Variants in DLG2 observed in about 807,000 individuals in gnomAD.
DLG2 encodes the protein disks large homolog 2.
A neutral mutation model predicts 132.5 loss-of-function variants in DLG2; 45 were observed. The observed-to-expected ratio is 0.34, with a 90% confidence interval of 0.27 to 0.44. DLG2 has a LOEUF of 0.44. Ranked by LOEUF, DLG2 falls within the 20% of genes least tolerant of loss-of-function variation. The pLI, the probability that DLG2 is intolerant of heterozygous loss-of-function variation, is 1.00. For synonymous variants in DLG2, 424 were observed against 419.6 expected (o/e 1.01, Z -0.13); for missense variants, 1,045 against 1,196.9 (o/e 0.87, Z 1.87).
At chr11:83,667,975 C>CAAAA (rs10688898) in intron 18 of DLG2, among the ~76,000 whole-genome samples, 7,478 of 39,604 alleles carry the variant, frequency 0.19, 1,603 homozygotes, top group Non-Finnish European at 0.22. Flanking sequence ...GACTCCGTCT[C>CAAAA]AAAAAAAAAA....
At chr11:84,703,494 A>G (rs945469168) in intron 6 of DLG2, among the ~76,000 whole-genome samples, 10 of 151,474 alleles carry the variant, frequency 6.6e-5, no homozygotes, top group African/African-American at 2.4e-4. Flanking sequence ...TTTACCATTC[A>G]TGTTTGCAAG....
At chr11:83,487,528 A>C (rs975472878) in intron 21 of DLG2, among the ~76,000 whole-genome samples, 18 of 152,156 alleles carry the variant, frequency 1.2e-4, no homozygotes, top group African/African-American at 3.9e-4. Context: ...TGAATTTGCA[A>C]ATATTCCTGG....
At chr11:84,721,246 A>G (rs1448946546) in intron 6 of DLG2, among the ~76,000 whole-genome samples, 9 of 152,198 alleles carry the variant, frequency 5.9e-5, no homozygotes, top group Non-Finnish European at 1.3e-4. Context: ...AATCTGGGGT[A>G]GAAAACAGGC....
At chr11:84,075,965 G>A (rs952154078) in intron 10 of DLG2, among the ~76,000 whole-genome samples, 1 of 152,132 alleles carries the variant, frequency 6.6e-6, no homozygotes, top group African/African-American at 2.4e-5. Flanking sequence ...TCTCATTTGT[G>A]GAGGCAAAAC....
rs555279433 is a variant in DLG2 at position 85,123,020 on chromosome 11, C to G, written c.283-11285G>C. ...TGAGACAGAGTCTCGCTCTGTCGCCCAAGCTGGAGTGCCATGGTGCGATCT... is the reference window on the plus strand; with the variant it reads ...TGAGACAGAGTCTCGCTCTGTCGCCGAAGCTGGAGTGCCATGGTGCGATCT... On this transcript the variant is annotated intron_variant, in intron 5 of 27. Coordinates refer to ENST00000376104, the MANE Select transcript of DLG2 (RefSeq NM_001142699.3). Among the ~76,000 whole-genome samples the G allele has an allele frequency of 4.7e-5, 5 of 106,552 alleles. No homozygotes were observed. In the East Asian group the frequency reaches 1.0e-3, roughly 22 times the overall value. 69.9% of individuals were successfully genotyped at this position (106,552 alleles called of 152,430 possible). A position where few individuals can be genotyped will look rare whatever the true frequency, so the allele number is the denominator to read the frequency against.
At chr11:84,866,671 G>A (rs2084620935) in intron 6 of DLG2, among the ~76,000 whole-genome samples, 1 of 152,200 alleles carries the variant, frequency 6.6e-6, no homozygotes, top group South Asian at 2.1e-4. Context: ...TAGTTATGAA[G>A]AAATAGAAGG....
intron 18 of DLG2, among the ~76,000 whole-genome samples, chr11:83,786,130 G>A (rs2095047857): frequency 6.6e-6 from 1 of 152,102 alleles, no homozygotes; most frequent in African/African-American, 2.4e-5. Flanking sequence ...ATCCAATTTA[G>A]GATATCTCAT....
chr11:84,776,436 A>G (rs2070508443), intron 6 of DLG2, among the ~76,000 whole-genome samples: 1 of 152,152 alleles, frequency 6.6e-6, no homozygotes, highest in Admixed American at 6.6e-5. Flanking sequence ...GATTACAGGC[A>G]TAAGCCACTT....
intron 22 of DLG2, among the ~76,000 whole-genome samples, chr11:83,480,208 C>CT (rs1490948009): frequency 1.3e-5 from 2 of 152,018 alleles, no homozygotes; most frequent in African/African-American, 4.8e-5. Context: ...GCTCTAGTGT[C>CT]TTTTTTATCT....
chr11:85,360,089 C>A (rs1369294272), intron 3 of DLG2, among the ~76,000 whole-genome samples: 2 of 152,174 alleles, frequency 1.3e-5, no homozygotes, highest in African/African-American at 2.4e-5. Flanking sequence ...GATCCCTGTG[C>A]TGTGTGAAGG....
At chr11:84,404,834 T>C (rs1003540833) in intron 7 of DLG2, among the ~76,000 whole-genome samples, 1 of 152,196 alleles carries the variant, frequency 6.6e-6, no homozygotes, top group African/African-American at 2.4e-5. Flanking sequence ...ACTTTTCATA[T>C]AATTTCCAAA....
intron 3 of DLG2, among the ~76,000 whole-genome samples, chr11:85,300,644 T>G (rs1224117812): frequency 6.6e-6 from 1 of 152,212 alleles, no homozygotes; most frequent in African/African-American, 2.4e-5. Flanking sequence ...AGCAAAATTT[T>G]CTTTCTGGAT....
At chr11:85,452,897 C>A in intron 3 of DLG2, 1 of 205,878 alleles carries the variant, frequency 4.9e-6, no homozygotes, top group South Asian at 1.0e-4. Context: ...ATTATACTTT[C>A]TTGAAGGCAA....
At chr11:85,482,646 C>T (rs919934185) in intron 3 of DLG2, among the ~76,000 whole-genome samples, 9 of 152,190 alleles carry the variant, frequency 5.9e-5, no homozygotes, top group Admixed American at 5.9e-4. Flanking sequence ...TCCCAGGCTC[C>T]AGGCCAGCCT....
chr11:85,291,061 A>G (rs1362514535), intron 3 of DLG2, among the ~76,000 whole-genome samples: 1 of 152,168 alleles, frequency 6.6e-6, no homozygotes, highest in Non-Finnish European at 1.5e-5. Context: ...ACCTTCAAGC[A>G]TTTGATGAGA....
At chr11:84,118,108 C>T (rs2093724794) in intron 9 of DLG2, among the ~76,000 whole-genome samples, 1 of 152,234 alleles carries the variant, frequency 6.6e-6, no homozygotes, top group African/African-American at 2.4e-5. Flanking sequence ...CCACCTGCGT[C>T]GGCCTCCCAA....
At chr11:85,035,633 A>G (rs2061376066) in intron 6 of DLG2, among the ~76,000 whole-genome samples, 1 of 152,150 alleles carries the variant, frequency 6.6e-6, no homozygotes, top group African/African-American at 2.4e-5. Context: ...TGAGATTTTG[A>G]TGGGATACAG....
chr11:83,858,136 C>T (rs182435958), intron 16 of DLG2, among the ~76,000 whole-genome samples: 1 of 152,274 alleles, frequency 6.6e-6, no homozygotes, highest in Non-Finnish European at 1.5e-5. Flanking sequence ...AAATATGCAA[C>T]GTGTCTGTTT....
chr11:85,321,923 G>C (rs2081097183), intron 3 of DLG2, among the ~76,000 whole-genome samples: 2 of 152,038 alleles, frequency 1.3e-5, no homozygotes, highest in South Asian at 4.2e-4. Flanking sequence ...AATGGGAGCA[G>C]AGAAATGGGG....
Sources: allele counts gnomAD v4.1 joint callset (sites outside exome capture counted in the v4.1 genomes callset), GRCh38; gene constraint gnomAD v4.1.1; transcripts MANE v1.5; gene names NCBI Gene and HGNC (gene_info 2026-07-23, HGNC 2026-07-21).